Variants in ADGRL3 observed in about 807,000 individuals in gnomAD.
ADGRL3 encodes adhesion G protein-coupled receptor L3, also known as calcium-independent alpha-latrotoxin receptor 3.
ADGRL3 carries 62 observed loss-of-function variants against 153.5 expected under a neutral mutation model. The ratio of observed to expected loss-of-function variants is 0.40; its 90% CI spans 0.33 to 0.50. ADGRL3 has a LOEUF of 0.50. Ranked by LOEUF, ADGRL3 falls within the 20% of genes least tolerant of loss-of-function variation. The pLI is 0.47. For synonymous variants in ADGRL3, 710 were observed against 672.5 expected (o/e 1.06, Z -0.86); for missense variants, 1,641 against 1,859.4 (o/e 0.88, Z 2.16).
intron 1 of ADGRL3, among the ~76,000 whole-genome samples, chr4:61,332,831 TTA>T (rs142678220): frequency 0.011 from 1,675 of 152,216 alleles, 30 homozygotes; most frequent in African/African-American, 0.039. Flanking sequence ...AAAAATGCAC[TTA>T]TATGTTAGGC....
chr4:61,968,232 T>C (rs1013610632), intron 17 of ADGRL3, among the ~76,000 whole-genome samples: 1 of 152,166 alleles, frequency 6.6e-6, no homozygotes, highest in Non-Finnish European at 1.5e-5. Context: ...GACTGCCCTT[T>C]TCTGGTGACA....
At chr4:61,463,367 G>A (rs1253254221) in intron 2 of ADGRL3, among the ~76,000 whole-genome samples, 1 of 152,150 alleles carries the variant, frequency 6.6e-6, no homozygotes, top group African/African-American at 2.4e-5. Flanking sequence ...GGCAGAAGGC[G>A]AAGGGGAAGC....
At position 62,076,734 on chromosome 4, in the gene ADGRL3, TC is replaced by T; in HGVS notation, c.*5827del. 3.3e-5 allele frequency: 5 copies of T among 151,996 alleles called. No homozygotes were observed. The South Asian group carries it at 1.0e-3, about 31-fold the overall frequency. The allele number at this position is 151,996 out of a possible 1,614,324, so 9.4% of individuals were successfully genotyped here. On this transcript the variant is annotated 3_prime_UTR_variant, in exon 27 of 27. Coordinates refer to ENST00000683033, the MANE Select transcript of ADGRL3 (RefSeq NM_001387552.1). The stretch of plus-strand genomic sequence containing the variant: ...AGCTATACCTTGTCTCAAGGAAACA[TC>T]AATATTTTATAAATGTTTCTTAAAT...
chr4:61,921,976 G>A (rs553413017), intron 13 of ADGRL3, among the ~76,000 whole-genome samples: 12 of 152,248 alleles, frequency 7.9e-5, no homozygotes, highest in Admixed American at 7.2e-4. Flanking sequence ...GTAGGAAATC[G>A]GTTGAATAAA....
At chr4:61,289,820 G>C (rs974271096) in intron 1 of ADGRL3, among the ~76,000 whole-genome samples, 1 of 151,996 alleles carries the variant, frequency 6.6e-6, no homozygotes, top group Middle Eastern at 3.2e-3. Context: ...AGAAAACCTG[G>C]CTCACTACTT....
At chr4:62,068,206 T>A (rs376880045) in intron 26 of ADGRL3, 23 bp downstream of exon 26, 42 of 1,585,214 alleles carry the variant, frequency 2.6e-5, no homozygotes, top group Non-Finnish European at 3.2e-5. Flanking sequence ...AGCTAAACAT[T>A]GCATATCAAA....
chr4:61,867,311 C>A (rs2098406230), intron 9 of ADGRL3, among the ~76,000 whole-genome samples: 1 of 151,164 alleles, frequency 6.6e-6, no homozygotes, highest in South Asian at 2.1e-4. Context: ...CTAGCCTGAG[C>A]AACATGGGGA....
At chr4:61,894,869 C>CT (rs1419634961) in intron 10 of ADGRL3, among the ~76,000 whole-genome samples, 1 of 152,136 alleles carries the variant, frequency 6.6e-6, no homozygotes, top group Non-Finnish European at 1.5e-5. Flanking sequence ...CATCTATCTC[C>CT]TCTTTTAATA....
At chr4:61,365,043 A>T (rs750165993) in intron 1 of ADGRL3, among the ~76,000 whole-genome samples, 2 of 152,208 alleles carry the variant, frequency 1.3e-5, no homozygotes, top group African/African-American at 4.8e-5. Flanking sequence ...AAAAATGCTT[A>T]TCTGGAGAAG....
chr4:61,371,553 T>C (rs1330411762), intron 1 of ADGRL3, among the ~76,000 whole-genome samples: 1 of 151,982 alleles, frequency 6.6e-6, no homozygotes, highest in South Asian at 2.1e-4. Flanking sequence ...ATGTTGAATA[T>C]TGGCCCCCAC....
intron 8 of ADGRL3, among the ~76,000 whole-genome samples, chr4:61,743,324 C>CAAAAAAAAAAA (rs752363213): frequency 2.0e-5 from 1 of 50,848 alleles, no homozygotes; most frequent in Non-Finnish European, 4.7e-5. Context: ...GACTCCATCT[C>CAAAAAAAAAAA]AAAAAAAAAA....
rs192453024 is a variant in ADGRL3, at chr4:61,327,634, T to C, written c.-239-55490T>C. ...ACAGGTGGCAGTTGAAATTCTAGGA[T>C]TGGAGTAGATCACTAAGGAAAAGCA... On this transcript the variant is annotated intron_variant, in intron 1 of 26. Transcript: ENST00000683033. Among the ~76,000 whole-genome samples, 9 of 152,020 alleles carry C rather than the reference T, an allele frequency of 5.9e-5. No individual in the cohort carries two copies. The East Asian group carries it at 1.4e-3, about 23-fold the overall frequency.
At position 62,072,244 on chromosome 4, in the gene ADGRL3, A is replaced by G. The variant is rs1277764298; in HGVS notation, c.*1336A>G. Reference sequence around the variant, plus strand: ...TTTTTTAAAAAAAAGTCTTCTGTTTATTAACAGGAAAATTTATTTATTTGA... The same window carrying G: ...TTTTTTAAAAAAAAGTCTTCTGTTTGTTAACAGGAAAATTTATTTATTTGA... On this transcript the variant is annotated 3_prime_UTR_variant, in exon 27 of 27. Transcript: ENST00000683033. The G allele has an allele frequency of 6.6e-6, 1 of 152,606 alleles. No individual in the cohort carries two copies. The highest frequency in any genetic ancestry group is 2.4e-5 in the African/African-American group (1 of 41,458). The allele number at this position is 152,606 out of a possible 1,614,324, so 9.5% of individuals were successfully genotyped here.
intron 1 of ADGRL3, among the ~76,000 whole-genome samples, chr4:61,279,145 A>C (rs1326261714): frequency 6.6e-6 from 1 of 152,198 alleles, no homozygotes; most frequent in African/African-American, 2.4e-5. Context: ...TGGAAGTTGT[A>C]ATATTTCAGC....
chr4:61,370,119 T>C (rs932759685), intron 1 of ADGRL3, among the ~76,000 whole-genome samples: 4 of 152,194 alleles, frequency 2.6e-5, no homozygotes, highest in Non-Finnish European at 2.9e-5. Context: ...TTCTTCTCTC[T>C]TTTTTTCTTT....
intron 6 of ADGRL3, among the ~76,000 whole-genome samples, chr4:61,703,056 G>A (rs1045667047): frequency 6.6e-6 from 1 of 151,886 alleles, no homozygotes; most frequent in African/African-American, 2.4e-5. Context: ...TTGACACAAG[G>A]TATTTCTTTG....
chr4:61,454,309 G>A (rs1388157691), intron 2 of ADGRL3, among the ~76,000 whole-genome samples: 3 of 151,980 alleles, frequency 2.0e-5, no homozygotes, highest in Non-Finnish European at 2.9e-5. Flanking sequence ...AAATATAGGT[G>A]CATTTTGATT....
chr4:61,825,177 C>G (rs892057085), intron 9 of ADGRL3, among the ~76,000 whole-genome samples: 1 of 152,086 alleles, frequency 6.6e-6, no homozygotes, highest in Non-Finnish European at 1.5e-5. Flanking sequence ...TAGGTGGAGT[C>G]AAATGTAAGT....
chr4:61,477,110 T>A (rs1400428093), intron 2 of ADGRL3, among the ~76,000 whole-genome samples: 1 of 152,186 alleles, frequency 6.6e-6, no homozygotes, highest in Non-Finnish European at 1.5e-5. Flanking sequence ...AGCTTTTTGG[T>A]AATTTTTCAG....
Sources: allele counts gnomAD v4.1 joint callset (sites outside exome capture counted in the v4.1 genomes callset), GRCh38; gene constraint gnomAD v4.1.1; transcripts MANE v1.5; gene names NCBI Gene and HGNC (gene_info 2026-07-23, HGNC 2026-07-21).